Variants in NELL2 observed in about 807,000 individuals in gnomAD.
NELL2 encodes the protein protein kinase C-binding protein NELL2.
In NELL2, 41 loss-of-function variants were observed where a neutral mutation model predicts 109.6. The observed-to-expected ratio is 0.37, with a 90% CI of 0.29 to 0.49. The LOEUF is 0.49. NELL2 is among the 20% of genes least tolerant of loss of function. NELL2 has a pLI of 0.98. For missense variants in NELL2, 900 were observed against 1,008.3 expected, an observed-to-expected ratio of 0.89 and a Z score of 1.45; for synonymous variants, 355 against 344.7, an observed-to-expected ratio of 1.03 and a Z score of -0.33.
At position 44,791,865 on chromosome 12, in the gene NELL2, G is replaced by A. The variant is rs1942447661; in HGVS notation, c.336-11843C>T. On this transcript the variant is annotated intron_variant, in intron 3 of 19. Coordinates refer to ENST00000429094, the MANE Select transcript of NELL2 (RefSeq NM_001145108.2). ...ATTTATAAGTCTGAGGTGAACAGAG[G>A]TCCATATGGGCATGGGAATATGGGG... is the stretch of plus-strand genomic sequence containing the variant. Among the ~76,000 whole-genome samples the A allele has an allele frequency of 2.0e-5, 3 of 151,934 alleles. No homozygotes were observed. In the South Asian group the frequency reaches 6.2e-4, roughly 32 times the overall value.
intron 19 of NELL2, among the ~76,000 whole-genome samples, chr12:44,514,460 GAGAT>G (rs1215695649): frequency 6.6e-6 from 1 of 151,772 alleles, no homozygotes; most frequent in African/African-American, 2.4e-5. Context: ...TTGACAGAGA[GAGAT>G]AGAGAGAGAG....
chr12:44,587,271 C>CAAAAAAAAAAAAAAA (rs1194091069), intron 15 of NELL2, among the ~76,000 whole-genome samples: 11 of 28,110 alleles, frequency 3.9e-4, no homozygotes, highest in African/African-American at 1.4e-3. Context: ...GACTCCGTCT[C>CAAAAAAAAAAAAAAA]AAAAAAAAAA....
At chr12:44,875,048 G>T in intron 2 of NELL2, 177 bp downstream of exon 2, 1 of 761,960 alleles carries the variant, frequency 1.3e-6, no homozygotes, top group Non-Finnish European at 2.0e-6. Context: ...GGTGAGGCAG[G>T]GGAGAAAAAA....
chr12:44,892,837 TAGTAAGGAGCACAATTCAACATC>T (rs957970766), intron 1 of NELL2, among the ~76,000 whole-genome samples: 1 of 150,220 alleles, frequency 6.7e-6, no homozygotes, highest in Non-Finnish European at 1.5e-5. Flanking sequence ...AATTCAACAT[TAGTAAGGAGCACAATTCAACATC>T]AGTAAGGAGC....
intron 19 of NELL2, 21 bp downstream of exon 19, chr12:44,519,984 T>C (rs770231503): frequency 1.9e-6 from 3 of 1,608,828 alleles, no homozygotes; most frequent in East Asian, 4.5e-5. Context: ...GTGCTCACTA[T>C]TTAAATTTAA....
At chr12:44,714,601 T>C (rs369355065) in intron 10 of NELL2, 49 bp downstream of exon 10, 19 of 1,193,222 alleles carry the variant, frequency 1.6e-5, no homozygotes, top group Non-Finnish European at 2.0e-5. Context: ...ACTTTTATCT[T>C]GTTTATAAAT....
rs553073487 is a variant in NELL2, at chr12:44,837,150, CTTTCCTAAGTGCCTTT to C, written c.185-21030_185-21015del. Among the ~76,000 whole-genome samples, 3 of 152,312 alleles carry C rather than the reference CTTTCCTAAGTGCCTTT, an allele frequency of 2.0e-5. No individual in the cohort carries two copies. The East Asian group carries it at 5.8e-4, about 29-fold the overall frequency. On this transcript the variant is annotated intron_variant, in intron 2 of 19. Coordinates refer to ENST00000429094, the MANE Select transcript of NELL2 (RefSeq NM_001145108.2). ...TACTGACTGCTTACTATGTGAGGCA[CTTTCCTAAGTGCCTTT>C]TTTGAATTCACTATGTTGGTACTAT...
chr12:44,598,854 T>TACACACACACAC (rs754118280), intron 15 of NELL2, among the ~76,000 whole-genome samples: 11,154 of 117,310 alleles, frequency 0.095, 530 homozygotes, highest in Middle Eastern at 0.12. Flanking sequence ...AAGAAAGAAA[T>TACACACACACAC]ACACACACAC....
At chr12:44,741,658 C>G (rs1939973582) in intron 9 of NELL2, among the ~76,000 whole-genome samples, 1 of 152,234 alleles carries the variant, frequency 6.6e-6, no homozygotes, top group Admixed American at 6.5e-5. Flanking sequence ...GAGATTATAT[C>G]CCGCATCTGG....
At chr12:44,650,496 T>C (rs1947262974) in intron 13 of NELL2, among the ~76,000 whole-genome samples, 1 of 152,022 alleles carries the variant, frequency 6.6e-6, no homozygotes, top group Admixed American at 6.6e-5. Flanking sequence ...GGTTTCACTA[T>C]GTTGGCCAGG....
chr12:44,757,293 A>G (rs893664901), intron 9 of NELL2, among the ~76,000 whole-genome samples: 1 of 152,114 alleles, frequency 6.6e-6, no homozygotes, highest in African/African-American at 2.4e-5. Context: ...TAATGTTCCC[A>G]TATCCCATCC....
intron 15 of NELL2, 77 bp from the exon 16 acceptor site, chr12:44,532,798 T>A (rs1417237228): frequency 1.5e-6 from 2 of 1,360,594 alleles, no homozygotes; most frequent in Non-Finnish European, 2.0e-6. Flanking sequence ...ACAAGGCTAC[T>A]AAAATTTTTA....
At chr12:44,737,828 G>A (rs1258516833) in intron 9 of NELL2, among the ~76,000 whole-genome samples, 1 of 151,752 alleles carries the variant, frequency 6.6e-6, no homozygotes, top group African/African-American at 2.4e-5. Flanking sequence ...TTGTTCTTAA[G>A]GCCCTCATGA....
chr12:44,690,869 T>C (rs1265184698), intron 12 of NELL2, among the ~76,000 whole-genome samples: 1 of 152,214 alleles, frequency 6.6e-6, no homozygotes, highest in Non-Finnish European at 1.5e-5. Context: ...AAGAAGAACC[T>C]ATAGATCCAC....
At chr12:44,687,452 T>A (rs1435115216) in intron 12 of NELL2, among the ~76,000 whole-genome samples, 1 of 152,194 alleles carries the variant, frequency 6.6e-6, no homozygotes, top group East Asian at 1.9e-4. Context: ...AATTCTTATA[T>A]ATTTCTAGCT....
At chr12:44,874,604 T>C (rs958512719) in intron 2 of NELL2, among the ~76,000 whole-genome samples, 12 of 152,202 alleles carry the variant, frequency 7.9e-5, no homozygotes, top group African/African-American at 2.9e-4. Flanking sequence ...TAATATGAGA[T>C]ACACTTCTAG....
At chr12:44,827,546 G>C (rs2136712649) in intron 2 of NELL2, among the ~76,000 whole-genome samples, 1 of 150,196 alleles carries the variant, frequency 6.7e-6, no homozygotes, top group East Asian at 2.0e-4. Flanking sequence ...TTAATTTTTA[G>C]CTCCCACAAA....
intron 2 of NELL2, among the ~76,000 whole-genome samples, chr12:44,843,311 A>C (rs1233256020): frequency 6.6e-6 from 1 of 152,350 alleles, no homozygotes; most frequent in South Asian, 2.1e-4. Context: ...AAAGTACTTA[A>C]CATTATTTAT....
At chr12:44,791,569 G>C (rs1182163844) in intron 3 of NELL2, among the ~76,000 whole-genome samples, 1 of 151,622 alleles carries the variant, frequency 6.6e-6, no homozygotes, top group African/African-American at 2.4e-5. Context: ...GTGGGAAGTG[G>C]TTTAATTTGG....
Sources: gnomAD v4.1 joint callset for allele counts (sites outside exome capture counted in the v4.1 genomes callset) on GRCh38, gnomAD v4.1.1 for gene constraint, MANE v1.5 for transcripts, NCBI Gene and HGNC (gene_info 2026-07-23, HGNC 2026-07-21) for gene names.